Variants in MYO3B observed in about 807,000 individuals in gnomAD.
MYO3B encodes the protein myosin IIIB.
A neutral mutation model predicts 174.6 loss-of-function variants in MYO3B; 156 were observed. That is an observed-to-expected ratio of 0.89 (90% confidence interval 0.78 to 1.02). The LOEUF is 1.02. MYO3B is among the 50% of genes least tolerant of loss of function. The pLI, the probability that MYO3B is intolerant of heterozygous loss-of-function variation, is 0.00. For missense variants in MYO3B, 1,632 were observed against 1,639.4 expected, an observed-to-expected ratio of 1.00 and a Z score of 0.08; for synonymous variants, 563 against 569.1, an observed-to-expected ratio of 0.99 and a Z score of 0.15.
intron 22 of MYO3B, among the ~76,000 whole-genome samples, chr2:170,438,301 T>A (rs1398263191): frequency 6.6e-6 from 1 of 152,180 alleles, no homozygotes; most frequent in African/African-American, 2.4e-5. Context: ...TGTATGTATA[T>A]ATCAAATGTT....
At chr2:170,223,798 A>G (rs1268760487) in intron 6 of MYO3B, among the ~76,000 whole-genome samples, 1 of 152,234 alleles carries the variant, frequency 6.6e-6, no homozygotes, top group Non-Finnish European at 1.5e-5. Flanking sequence ...AACCCAAGAG[A>G]AAGAACCAAT....
intron 1 of MYO3B, among the ~76,000 whole-genome samples, chr2:170,196,252 A>G (rs766656941): frequency 6.6e-6 from 1 of 152,130 alleles, no homozygotes; most frequent in Non-Finnish European, 1.5e-5. Context: ...CATGTCTGTA[A>G]TCCTAGCACT....
chr2:170,560,988 A>G (rs557148747), intron 32 of MYO3B, among the ~76,000 whole-genome samples: 1 of 152,170 alleles, frequency 6.6e-6, no homozygotes, highest in Non-Finnish European at 1.5e-5. Context: ...CCATGTCCAG[A>G]GCAGTCAGCT....
At chr2:170,334,221 A>G (rs1163035880) in intron 7 of MYO3B, 2 of 152,216 alleles carry the variant, frequency 1.3e-5, no homozygotes, top group African/African-American at 4.8e-5. Context: ...ACTTCTATTT[A>G]TATATCATTG....
chr2:170,563,409 A>C (rs1691870515), intron 32 of MYO3B, among the ~76,000 whole-genome samples: 1 of 152,188 alleles, frequency 6.6e-6, no homozygotes, highest in Non-Finnish European at 1.5e-5. Flanking sequence ...AGTCATGAGA[A>C]GAGAGATGAC....
chr2:170,621,093 C>T (rs916472185), intron 32 of MYO3B, among the ~76,000 whole-genome samples: 5 of 151,966 alleles, frequency 3.3e-5, no homozygotes, highest in East Asian at 1.9e-4. Flanking sequence ...TTCACCATCT[C>T]GGCCAGGCTG....
chr2:170,395,812 C>A (rs964592250), intron 16 of MYO3B, among the ~76,000 whole-genome samples: 2 of 152,106 alleles, frequency 1.3e-5, no homozygotes, highest in Admixed American at 1.3e-4. Context: ...TAGGGATATA[C>A]CAGAGAAACA....
In MYO3B at chr2:170,283,536, C is replaced by T. The variant is rs150045347; in HGVS notation, c.749+47400C>T. Among the ~76,000 whole-genome samples, 8 of 152,268 alleles carry T rather than the reference C, an allele frequency of 5.3e-5. No individual in the cohort carries two copies. In the East Asian group the frequency reaches 9.6e-4, roughly 18 times the overall value. On this transcript the variant is annotated intron_variant, in intron 7 of 34. Coordinates refer to ENST00000408978, the MANE Select transcript of MYO3B (RefSeq NM_138995.5). ...TGTTTAAATTTTATGATGCTCTTTC[C>T]TGTTAGAATATCTCCTTTTGCTCTT...
chr2:170,353,925 G>T (rs531925677), intron 8 of MYO3B, among the ~76,000 whole-genome samples: 15 of 152,262 alleles, frequency 9.9e-5, no homozygotes, highest in Non-Finnish European at 2.1e-4. Context: ...CAGCACAATA[G>T]AATTTATATC....
intron 32 of MYO3B, among the ~76,000 whole-genome samples, chr2:170,649,379 T>A (rs1453185854): frequency 0.081 from 4,682 of 58,144 alleles, 531 homozygotes; most frequent in Non-Finnish European, 0.11. Context: ...AAAATATAAA[T>A]ATATTATATA....
chr2:170,633,970 C>T lies in MYO3B; in HGVS notation c.3734-17658C>T, dbSNP rs199856252. Among the ~76,000 whole-genome samples the T allele has an allele frequency of 2.6e-5, 4 of 152,186 alleles. No individual in the cohort carries two copies. In the East Asian group the frequency reaches 7.7e-4, roughly 29 times the overall value. ...CACTGATCAACGAAATAAAAGAGGA[C>T]ACAAACAAATGGAAGAACATTCCAT... On this transcript the variant is annotated intron_variant, in intron 32 of 34. Transcript: ENST00000408978.
Position 170,503,815 on chromosome 2 carries a change from G to A in MYO3B, c.3370+1950G>A, listed in dbSNP as rs1184505933. Among the ~76,000 whole-genome samples the A allele has an allele frequency of 2.0e-5, 3 of 152,154 alleles. No individual in the cohort carries two copies. The East Asian group carries it at 5.8e-4, about 29-fold the overall frequency. On this transcript the variant is annotated intron_variant, in intron 28 of 34. Coordinates refer to ENST00000408978, the MANE Select transcript of MYO3B (RefSeq NM_138995.5). ...CCACCTCTGCCCTCTTAGAAGTAGTGTGGCAGCCAGAGCAAAGGCAGACAG... is the reference window on the plus strand; with the variant it reads ...CCACCTCTGCCCTCTTAGAAGTAGTATGGCAGCCAGAGCAAAGGCAGACAG...
intron 25 of MYO3B, among the ~76,000 whole-genome samples, chr2:170,480,183 C>A (rs569177678): frequency 8.3e-4 from 127 of 152,208 alleles, no homozygotes; most frequent in Non-Finnish European, 1.4e-3. Flanking sequence ...TGTGTCAGGC[C>A]TCAGGAAACA....
rs1309188727 is a variant in MYO3B at position 170,206,134 on chromosome 2, T to C, written c.321+5850T>C. Among the ~76,000 whole-genome samples the C allele has an allele frequency of 3.3e-5, 5 of 152,052 alleles. No homozygotes were observed. The East Asian group carries it at 9.7e-4, about 29-fold the overall frequency. On this transcript the variant is annotated intron_variant, in intron 3 of 34. Coordinates refer to ENST00000408978, the MANE Select transcript of MYO3B (RefSeq NM_138995.5). The surrounding 1 kb of genome is among the most constrained non-coding windows in gnomAD (Gnocchi z 4.3). ...ACACACATGTACCCTCACATGCACA[T>C]TCCCCCTCATTCTTTCATGCCCCCT...
At chr2:170,501,632 C>T (rs1004155419) in intron 27 of MYO3B, among the ~76,000 whole-genome samples, 153 bp from the exon 28 acceptor site, 1 of 152,114 alleles carries the variant, frequency 6.6e-6, no homozygotes, top group Non-Finnish European at 1.5e-5. Context: ...TCTCTTCTCG[C>T]CATAGATCAC....
Position 170,651,725 on chromosome 2 carries a change from C to T in MYO3B, c.3831C>T (p.Asn1277=), listed in dbSNP as rs1361989755. 5.0e-6 allele frequency: 8 copies of T among 1,613,586 alleles called. No individual in the cohort carries two copies. Among genetic ancestry groups the T allele is most frequent in the African/African-American group, 1.3e-5 (1 of 74,878 alleles). ...LSSPEDTMYY[N]QLNGTLEYQG... ...GCCCTGAGGACACCATGTACTATAACCAGTTAAATGTGAGTTCAAAGTGGC... is the reference window on the plus strand; with the variant it reads ...GCCCTGAGGACACCATGTACTATAATCAGTTAAATGTGAGTTCAAAGTGGC... The change falls in exon 33 of 35, where the codon AAC becomes AAT. Residue 1277 remains asparagine (N), a synonymous_variant. Transcript: ENST00000408978.
chr2:170,393,842 T>C lies in MYO3B; in HGVS notation c.1791+1347T>C, dbSNP rs150337036. On this transcript the variant is annotated intron_variant, in intron 16 of 34. Coordinates refer to ENST00000408978, the MANE Select transcript of MYO3B (RefSeq NM_138995.5). ...AAATCCCAAAGGTCAGATAAAAATA[T>C]AAATATATTTTCCTTGGCTTCTTAG... Among the ~76,000 whole-genome samples, 191 of 152,282 alleles carry C rather than the reference T, an allele frequency of 1.3e-3. 1 individual carries two copies. Among genetic ancestry groups the C allele is most frequent in the African/African-American group, 4.4e-3 (181 of 41,554 alleles).
intron 32 of MYO3B, among the ~76,000 whole-genome samples, chr2:170,558,369 G>A (rs1002462918): frequency 4.6e-5 from 7 of 151,766 alleles, no homozygotes; most frequent in African/African-American, 1.7e-4. Context: ...CAAGCACCAT[G>A]TGAGCACAAC....
chr2:170,556,285 C>G (rs1012580756), intron 32 of MYO3B, among the ~76,000 whole-genome samples: 1 of 151,998 alleles, frequency 6.6e-6, no homozygotes, highest in African/African-American at 2.4e-5. Flanking sequence ...TATGAGTGAA[C>G]CTACCATAAA....
Sources: allele counts gnomAD v4.1 joint callset (sites outside exome capture counted in the v4.1 genomes callset), GRCh38; gene constraint gnomAD v4.1.1; non-coding constraint Gnocchi (gnomAD v3.1); transcripts MANE v1.5; gene names NCBI Gene and HGNC (gene_info 2026-07-23, HGNC 2026-07-21).